The following UNC5C variants were observed in gnomAD, a reference collection of about 807,000 sequenced individuals.
UNC5C encodes the protein unc-5 netrin receptor C.
A neutral mutation model predicts 99.8 loss-of-function variants in UNC5C; 47 were observed. The observed-to-expected ratio is 0.47, with a 90% CI of 0.37 to 0.60. UNC5C has a LOEUF of 0.60. Ranked by LOEUF, UNC5C falls within the 20% of genes least tolerant of loss-of-function variation. The probability of loss-of-function intolerance (pLI) is 0.00; values close to 1 mark genes in which losing one functional copy is unlikely to be tolerated. For missense variants in UNC5C, 1,062 were observed against 1,165.9 expected (o/e 0.91, Z 1.30); for synonymous variants, 487 against 452.2 (o/e 1.08, Z -0.98).
rs781196143 is a variant in UNC5C, at chr4:95,163,083, A to G, written c.*6151T>C. 46 of 152,246 alleles carry G rather than the reference A, an allele frequency of 3.0e-4. No homozygotes were observed. The highest frequency in any genetic ancestry group is 1.0e-3 in the African/African-American group (42 of 41,456). 9.4% of individuals were successfully genotyped at this position (152,246 alleles called of 1,614,324 possible). ...CACACACACAGTGATGTTCCCTGCA[A>G]CTGGGCTCGATGCATTATGTCTGGA... On this transcript the variant is annotated 3_prime_UTR_variant, in exon 16 of 16. Transcript: ENST00000453304.
At chr4:95,277,101 T>C (rs1740889308) in intron 4 of UNC5C, among the ~76,000 whole-genome samples, 1 of 151,870 alleles carries the variant, frequency 6.6e-6, no homozygotes, top group Non-Finnish European at 1.5e-5. Flanking sequence ...AGTAAAATAG[T>C]AAGTACATTA....
chr4:95,386,997 T>C (rs1454536858), intron 1 of UNC5C, among the ~76,000 whole-genome samples: 2 of 152,230 alleles, frequency 1.3e-5, no homozygotes, highest in African/African-American at 4.8e-5. Flanking sequence ...TCTGGTCTTC[T>C]AGAGACACTT....
At chr4:95,309,130 T>C (rs977449782) in intron 2 of UNC5C, among the ~76,000 whole-genome samples, 2 of 152,114 alleles carry the variant, frequency 1.3e-5, no homozygotes, top group East Asian at 3.9e-4. Context: ...TAAATCCATA[T>C]GTTTATGGTC....
chr4:95,222,785 C>G (rs374164376), intron 7 of UNC5C, among the ~76,000 whole-genome samples: 3 of 152,110 alleles, frequency 2.0e-5, no homozygotes, highest in Admixed American at 2.0e-4. Context: ...ACCTCTCCCC[C>G]GCTCCATCTC....
At chr4:95,261,404 C>T (rs1032962049) in intron 4 of UNC5C, among the ~76,000 whole-genome samples, 1 of 152,110 alleles carries the variant, frequency 6.6e-6, no homozygotes, top group Non-Finnish European at 1.5e-5. Flanking sequence ...AAATTGCTCC[C>T]CCAAATTTTT....
At chr4:95,328,297 T>G (rs1165852799) in intron 2 of UNC5C, among the ~76,000 whole-genome samples, 1 of 93,856 alleles carries the variant, frequency 1.1e-5, no homozygotes, top group African/African-American at 3.2e-5. Flanking sequence ...TTCCCACCTA[T>G]GCGTGAGAAT....
rs527892946 is a variant in UNC5C at position 95,450,156 on chromosome 4, C to T, written c.124+98578G>A. On this transcript the variant is annotated intron_variant, in intron 1 of 15. Coordinates refer to ENST00000453304, the MANE Select transcript of UNC5C (RefSeq NM_003728.4). Reference sequence around the variant, plus strand: ...AGATCTGCCCTTTCCACCATGTCATCACTGCATCTAGGCATTATAGGTAAT... The same window carrying T: ...AGATCTGCCCTTTCCACCATGTCATTACTGCATCTAGGCATTATAGGTAAT... Among the ~76,000 whole-genome samples, 67 of 152,330 alleles carry T rather than the reference C, an allele frequency of 4.4e-4. 2 individuals carry two copies. Among genetic ancestry groups the T allele is most frequent in the Middle Eastern group, 3.4e-3 (1 of 294 alleles).
intron 4 of UNC5C, among the ~76,000 whole-genome samples, chr4:95,268,822 A>C (rs1299946993): frequency 6.6e-6 from 1 of 152,210 alleles, no homozygotes; most frequent in Non-Finnish European, 1.5e-5. Flanking sequence ...GAGGCCCATC[A>C]AGTCAGAGCA....
intron 1 of UNC5C, among the ~76,000 whole-genome samples, chr4:95,394,348 A>C (rs553318581): frequency 6.6e-6 from 1 of 152,102 alleles, no homozygotes; most frequent in Non-Finnish European, 1.5e-5. Flanking sequence ...GTGTAGTCAG[A>C]TCCTCCTTAT....
intron 1 of UNC5C, among the ~76,000 whole-genome samples, chr4:95,545,177 C>G (rs1230617384): frequency 2.0e-5 from 3 of 152,052 alleles, no homozygotes; most frequent in Non-Finnish European, 4.4e-5. Flanking sequence ...GTTCGAGGAC[C>G]CTGTCTTATT....
At chr4:95,372,218 C>T (rs932106767) in intron 1 of UNC5C, among the ~76,000 whole-genome samples, 8 of 152,102 alleles carry the variant, frequency 5.3e-5, no homozygotes, top group African/African-American at 1.2e-4. Flanking sequence ...TAAATATGCC[C>T]GTATTTCATC....
At chr4:95,511,557 A>C (rs1328340191) in intron 1 of UNC5C, among the ~76,000 whole-genome samples, 1 of 152,188 alleles carries the variant, frequency 6.6e-6, no homozygotes, top group Non-Finnish European at 1.5e-5. Context: ...ACCAGAACAC[A>C]ATCCACATCT....
chr4:95,462,491 C>A (rs899088472), intron 1 of UNC5C, among the ~76,000 whole-genome samples: 1 of 152,120 alleles, frequency 6.6e-6, no homozygotes, highest in South Asian at 2.1e-4. Flanking sequence ...GTCAAGTTAA[C>A]CCTGACTATA....
chr4:95,176,072 G>T (rs2149346474), intron 14 of UNC5C, among the ~76,000 whole-genome samples: 1 of 151,412 alleles, frequency 6.6e-6, no homozygotes, highest in South Asian at 2.1e-4. Context: ...CGTAGTTCTT[G>T]AGCCTTGGTT....
intron 1 of UNC5C, among the ~76,000 whole-genome samples, chr4:95,535,143 G>T (rs1383790541): frequency 6.6e-6 from 1 of 151,942 alleles, no homozygotes; most frequent in Non-Finnish European, 1.5e-5. Flanking sequence ...CAGGAAAAAA[G>T]AAATCACCTA....
intron 7 of UNC5C, among the ~76,000 whole-genome samples, chr4:95,238,650 T>C (rs991568047): frequency 1.3e-5 from 2 of 152,148 alleles, no homozygotes; most frequent in Admixed American, 6.6e-5. Context: ...ATCTTTTAAA[T>C]TTTGTTCTTT....
chr4:95,232,440 TGTATAA>T (rs1738947840), intron 7 of UNC5C, among the ~76,000 whole-genome samples: 1 of 152,180 alleles, frequency 6.6e-6, no homozygotes, highest in African/African-American at 2.4e-5. Context: ...AGAGTCCTGA[TGTATAA>T]GGTGACTGAC....
chr4:95,355,518 G>T (rs150832016), intron 1 of UNC5C, among the ~76,000 whole-genome samples: 1 of 151,966 alleles, frequency 6.6e-6, no homozygotes, highest in African/African-American at 2.4e-5. Flanking sequence ...TGGGGTTGTT[G>T]CCATCTCCCC....
At chr4:95,321,981 A>T (rs1177614612) in intron 2 of UNC5C, among the ~76,000 whole-genome samples, 1 of 152,226 alleles carries the variant, frequency 6.6e-6, no homozygotes, top group Non-Finnish European at 1.5e-5. Context: ...GAAAGAAATC[A>T]AATAAATAAT....
Sources: allele counts gnomAD v4.1 joint callset (sites outside exome capture counted in the v4.1 genomes callset), GRCh38; gene constraint gnomAD v4.1.1; transcripts MANE v1.5; gene names NCBI Gene and HGNC (gene_info 2026-07-23, HGNC 2026-07-21).